CLMN: variants seen among roughly 807,000 people sequenced by gnomAD.
CLMN encodes calmin (calponin-like, transmembrane).
A neutral mutation model predicts 92.7 loss-of-function variants in CLMN; 57 were observed. The ratio of observed to expected loss-of-function variants is 0.61; its 90% CI spans 0.50 to 0.77. The LOEUF (loss-of-function observed/expected upper bound fraction) is 0.77. Ranked by LOEUF, CLMN falls within the 30% of genes least tolerant of loss-of-function variation. The pLI is 0.00. For missense variants in CLMN, 1,158 were observed against 1,237.5 expected (o/e 0.94, Z 0.96); for synonymous variants, 466 against 470.6 (o/e 0.99, Z 0.13).
Position 95,289,198 on chromosome 14 carries a change from C to G in CLMN, c.82+30513G>C, listed in dbSNP as rs374822844. ...CTGTTATATGACACTTCATATAAAT[C>G]CCATTGGTCAGGCTGGGCATGGTGG... On this transcript the variant is annotated intron_variant, in intron 1 of 12. Transcript: ENST00000298912. 1.4e-4 allele frequency among the ~76,000 whole-genome samples: 21 copies of G among 152,230 alleles called. No homozygotes were observed. The South Asian group carries it at 4.4e-3, about 32-fold the overall frequency.
intron 1 of CLMN, among the ~76,000 whole-genome samples, chr14:95,266,443 C>T (rs1003132430): frequency 1.3e-5 from 2 of 152,110 alleles, no homozygotes; most frequent in Non-Finnish European, 2.9e-5. Flanking sequence ...AAAGCAATCC[C>T]ATTTACAATA....
chr14:95,261,666 C>T (rs1269799547), intron 1 of CLMN, among the ~76,000 whole-genome samples: 2 of 152,224 alleles, frequency 1.3e-5, no homozygotes, highest in Non-Finnish European at 2.9e-5. Context: ...ACCTGTGCCT[C>T]TGCATTGCGA....
intron 1 of CLMN, among the ~76,000 whole-genome samples, chr14:95,237,196 C>T (rs1287102235): frequency 6.6e-6 from 1 of 152,244 alleles, no homozygotes; most frequent in African/African-American, 2.4e-5. Context: ...GTGTAGTAAA[C>T]AGACTAATCT....
At position 95,215,633 on chromosome 14, in the gene CLMN, G is replaced by T. The variant is rs201122676; in HGVS notation, c.417+8C>A. On this transcript the variant is annotated splice_region_variant and intron_variant, in intron 5 of 12. Coordinates refer to ENST00000298912, the MANE Select transcript of CLMN (RefSeq NM_024734.4). ...TGATTGTGTGTTTTGGAAAAGAAAT[G>T]ATCTTACCTGGAAGAAGAGGATTAT... 6.2e-7 allele frequency: 1 copy of T among 1,610,738 alleles called. No homozygotes were observed. The highest frequency in any genetic ancestry group is 8.5e-7 in the Non-Finnish European group (1 of 1,176,922).
chr14:95,204,780 T>G (rs1897001547), intron 8 of CLMN, among the ~76,000 whole-genome samples: 2 of 152,188 alleles, frequency 1.3e-5, no homozygotes, highest in Admixed American at 6.5e-5. Flanking sequence ...GGACAATCCC[T>G]TCTAAAGTGA....
intron 1 of CLMN, among the ~76,000 whole-genome samples, chr14:95,246,918 T>G (rs1399147850): frequency 6.6e-6 from 1 of 152,230 alleles, no homozygotes; most frequent in Admixed American, 6.5e-5. Flanking sequence ...TAACTGCTAC[T>G]CTGTGAATCT....
chr14:95,315,530 G>A (rs946710883), intron 1 of CLMN, among the ~76,000 whole-genome samples: 6 of 152,244 alleles, frequency 3.9e-5, no homozygotes, highest in Non-Finnish European at 8.8e-5. Flanking sequence ...TGAGCCAGTG[G>A]AACAAAAGGA....
rs1214580627 is a variant in CLMN, at chr14:95,191,823, C to T, written c.2841-91G>A. ...GTGCTACCCGTCTCTCCCCGGCCCC[C>T]ACTCCCCGCCTGAAGACCCGAAGGC... On this transcript the variant is annotated intron_variant, in intron 12 of 12. Coordinates refer to ENST00000298912, the MANE Select transcript of CLMN (RefSeq NM_024734.4). This position sits in a 1 kb window ranked among gnomAD's most constrained non-coding sequence, Gnocchi z 5.3. 3.1e-6 allele frequency: 4 copies of T among 1,289,062 alleles called. No homozygotes were observed. Among genetic ancestry groups the T allele is most frequent in the Non-Finnish European group, 4.2e-6 (4 of 944,188 alleles). 79.9% of individuals were successfully genotyped at this position (1,289,062 alleles called of 1,614,324 possible).
At chr14:95,305,316 G>A (rs1021812742) in intron 1 of CLMN, among the ~76,000 whole-genome samples, 21 of 152,174 alleles carry the variant, frequency 1.4e-4, no homozygotes, top group Admixed American at 1.0e-3. Context: ...TTGGCTCCAC[G>A]CCATTGAGCA....
chr14:95,309,825 A>G (rs1901452716), intron 1 of CLMN, among the ~76,000 whole-genome samples: 1 of 151,966 alleles, frequency 6.6e-6, no homozygotes, highest in South Asian at 2.1e-4. Context: ...CTTGACAGCC[A>G]TTTGTTATTT....
chr14:95,261,300 T>C (rs751519439), intron 1 of CLMN, among the ~76,000 whole-genome samples: 3 of 152,154 alleles, frequency 2.0e-5, no homozygotes, highest in Non-Finnish European at 4.4e-5. Flanking sequence ...TCACCTCCGC[T>C]GGGAACGTGC....
At chr14:95,216,369 G>C (rs1376478002) in intron 4 of CLMN, among the ~76,000 whole-genome samples, 1 of 152,178 alleles carries the variant, frequency 6.6e-6, no homozygotes, top group Non-Finnish European at 1.5e-5. Flanking sequence ...GATTTGGGTG[G>C]GGACACAGCC....
chr14:95,256,646 C>G lies in CLMN; in HGVS notation c.83-26513G>C, dbSNP rs996398742. Among the ~76,000 whole-genome samples, 3 of 152,170 alleles carry G rather than the reference C, an allele frequency of 2.0e-5. No individual in the cohort carries two copies. Among genetic ancestry groups the G allele is most frequent in the African/African-American group, 7.2e-5 (3 of 41,426 alleles). On this transcript the variant is annotated intron_variant, in intron 1 of 12. Coordinates refer to ENST00000298912, the MANE Select transcript of CLMN (RefSeq NM_024734.4). The surrounding 1 kb of genome is among the most constrained non-coding windows in gnomAD (Gnocchi z 4.9). ...GACACTTACATGACCAGAAAGAAGA[C>G]CAGGTGACTCCTGGCTAGAGTCCTT...
At chr14:95,207,149 G>A (rs771411551) in intron 8 of CLMN, among the ~76,000 whole-genome samples, 7 of 152,022 alleles carry the variant, frequency 4.6e-5, no homozygotes, top group African/African-American at 7.2e-5. Context: ...ATCTTAAAAC[G>A]TGTATACATT....
chr14:95,206,460 C>T lies in CLMN; in HGVS notation c.886-1997G>A, dbSNP rs374891792. On this transcript the variant is annotated intron_variant, in intron 8 of 12. Coordinates refer to ENST00000298912, the MANE Select transcript of CLMN (RefSeq NM_024734.4). ...CAGTATTCTTTAACTGTATAAGACC[C>T]GTTCTTTTCAAATGCATATGGCACA... Among the ~76,000 whole-genome samples, 21 of 152,136 alleles carry T rather than the reference C, an allele frequency of 1.4e-4. No homozygotes were observed. The South Asian group carries it at 2.3e-3, about 17-fold the overall frequency.
At chr14:95,200,227 G>A (rs1005175009) in intron 9 of CLMN, among the ~76,000 whole-genome samples, 1 of 152,100 alleles carries the variant, frequency 6.6e-6, no homozygotes, top group Non-Finnish European at 1.5e-5. Context: ...CTGGATCTGG[G>A]TGGGAGCCTC....
intron 1 of CLMN, among the ~76,000 whole-genome samples, chr14:95,309,553 T>C (rs910114102): frequency 4.6e-5 from 7 of 152,224 alleles, no homozygotes; most frequent in African/African-American, 1.7e-4. Context: ...CCACCTTCTC[T>C]GGCCTCCTAG....
At chr14:95,193,756 G>T in intron 12 of CLMN, 93 bp downstream of exon 12, 1 of 1,420,384 alleles carries the variant, frequency 7.0e-7, no homozygotes, top group Non-Finnish European at 9.7e-7. Flanking sequence ...TATCAACAAA[G>T]CAGTGGGAGA....
chr14:95,313,946 C>T (rs1238632852), intron 1 of CLMN, among the ~76,000 whole-genome samples: 1 of 152,234 alleles, frequency 6.6e-6, no homozygotes, highest in Non-Finnish European at 1.5e-5. Context: ...GGTGAGACAT[C>T]CCGCCTCTCT....
Sources: gnomAD v4.1 joint callset for allele counts (sites outside exome capture counted in the v4.1 genomes callset) on GRCh38, gnomAD v4.1.1 for gene constraint, Gnocchi (gnomAD v3.1) non-coding constraint, MANE v1.5 for transcripts, NCBI Gene and HGNC (gene_info 2026-07-23, HGNC 2026-07-21) for gene names.